Variants in ADGRB3 observed in about 807,000 individuals in gnomAD.
The protein encoded by ADGRB3 is adhesion G protein-coupled receptor B3.
In ADGRB3, 37 loss-of-function variants were observed where a neutral mutation model predicts 193.4. The observed-to-expected ratio is 0.19, with a 90% CI of 0.15 to 0.25. The LOEUF (loss-of-function observed/expected upper bound fraction) is 0.25, where lower values mean the gene tolerates loss of function less well. Ranked by LOEUF, ADGRB3 falls within the 10% of genes least tolerant of loss-of-function variation. The probability of loss-of-function intolerance (pLI) is 1.00; values close to 1 mark genes in which losing one functional copy is unlikely to be tolerated. For synonymous variants in ADGRB3, 690 were observed against 644.2 expected, an observed-to-expected ratio of 1.07 and a Z score of -1.08; for missense variants, 1,637 against 1,852.9, an observed-to-expected ratio of 0.88 and a Z score of 2.14.
chr6:69,007,691 TCTCACACACACACA>T (rs1290480462), intron 11 of ADGRB3, among the ~76,000 whole-genome samples: 1 of 73,332 alleles, frequency 1.4e-5, no homozygotes, highest in African/African-American at 7.4e-5. Flanking sequence ...TCTCTCTCTC[TCTCACACACACACA>T]CACACACACA....
At chr6:69,380,189 CT>C (rs1485662747) in intron 30 of ADGRB3, among the ~76,000 whole-genome samples, 1 of 151,910 alleles carries the variant, frequency 6.6e-6, no homozygotes, top group African/African-American at 2.4e-5. Flanking sequence ...CTTAAAAATG[CT>C]TTATCTGGTG....
chr6:68,943,793 C>G (rs771554593), intron 5 of ADGRB3, 37 bp from the exon 6 acceptor site: 38 of 1,524,450 alleles, frequency 2.5e-5, no homozygotes, highest in Non-Finnish European at 3.4e-5. Context: ...TTTTACTGCT[C>G]TGCTTTTGTT....
chr6:68,749,148 T>G (rs765182680), intron 3 of ADGRB3, among the ~76,000 whole-genome samples: 1 of 152,210 alleles, frequency 6.6e-6, no homozygotes, highest in African/African-American at 2.4e-5. Context: ...GTCTCTGACA[T>G]GGCCTGGAGA....
chr6:68,647,449 A>C (rs997283581), intron 3 of ADGRB3, among the ~76,000 whole-genome samples: 1 of 152,176 alleles, frequency 6.6e-6, no homozygotes, highest in African/African-American at 2.4e-5. Flanking sequence ...TTTGGCTATA[A>C]ACCATAGAGA....
intron 8 of ADGRB3, among the ~76,000 whole-genome samples, chr6:68,964,809 G>A (rs1025497126): frequency 1.3e-5 from 2 of 152,146 alleles, no homozygotes; most frequent in African/African-American, 4.8e-5. Flanking sequence ...TATACCATTT[G>A]CTAATAAATT....
intron 13 of ADGRB3, among the ~76,000 whole-genome samples, chr6:69,043,321 A>AAAGAAAGGAAGGAAGGAAGG (rs1554252099): frequency 1.9e-5 from 1 of 51,928 alleles, no homozygotes; most frequent in Non-Finnish European, 4.9e-5. Context: ...AGAAAGAAAG[A>AAAGAAAGGAAGGAAGGAAGG]AAGAAAGAAA....
chr6:69,120,400 G>A (rs562742404), intron 17 of ADGRB3, among the ~76,000 whole-genome samples: 2 of 152,220 alleles, frequency 1.3e-5, no homozygotes, highest in South Asian at 2.1e-4. Context: ...ACACACTCAA[G>A]TTTGAGAAAC....
chr6:69,160,993 T>G (rs575526696), intron 17 of ADGRB3, among the ~76,000 whole-genome samples: 93 of 152,164 alleles, frequency 6.1e-4, no homozygotes, highest in African/African-American at 2.2e-3. Context: ...AAATCTTAAT[T>G]TTACCAGTTA....
chr6:69,000,101 A>G (rs989593545), intron 11 of ADGRB3, among the ~76,000 whole-genome samples: 3 of 152,214 alleles, frequency 2.0e-5, no homozygotes, highest in African/African-American at 7.2e-5. Flanking sequence ...AATCAGACAT[A>G]TTTAAAATCA....
intron 3 of ADGRB3, among the ~76,000 whole-genome samples, chr6:68,875,152 CCTTCCTTCCTT>C (rs1562066653): frequency 2.1e-3 from 62 of 29,782 alleles, no homozygotes; most frequent in African/African-American, 8.1e-3. Context: ...ATTTCTTTCT[CCTTCCTTCCTT>C]CCTTCCTTCC....
At chr6:69,101,433 C>CGTGTGTGTGTGTGTGTGTGTGTGTGT (rs59471051) in intron 17 of ADGRB3, among the ~76,000 whole-genome samples, 6 of 145,286 alleles carry the variant, frequency 4.1e-5, no homozygotes, top group African/African-American at 1.5e-4. Context: ...CAGTAAGTAT[C>CGTGTGTGTGTGTGTGTGTGTGTGTGT]GTGTGTGTGT....
intron 17 of ADGRB3, among the ~76,000 whole-genome samples, chr6:69,117,206 A>C (rs1773559066): frequency 6.6e-6 from 1 of 152,210 alleles, no homozygotes; most frequent in Non-Finnish European, 1.5e-5. Flanking sequence ...ATAGTTACAA[A>C]AATGCTTTCT....
intron 3 of ADGRB3, among the ~76,000 whole-genome samples, chr6:68,641,563 C>A (rs1444173492): frequency 1.3e-5 from 2 of 152,130 alleles, no homozygotes; most frequent in Non-Finnish European, 2.9e-5. Context: ...CATAGGGGAA[C>A]AACATATGCT....
rs566119240 is a variant in ADGRB3, at chr6:68,693,332, A to G, written c.757+53900A>G. Among the ~76,000 whole-genome samples the G allele has an allele frequency of 2.4e-4, 37 of 152,074 alleles. 1 individual carries two copies. In the South Asian group the frequency reaches 5.6e-3, roughly 23 times the overall value. ...TACAGCACAGGGGTTGTAAAGAGAA[A>G]TGAAAATGGTAGCTACTAGTGTACA... is the stretch of plus-strand genomic sequence containing the variant. On this transcript the variant is annotated intron_variant, in intron 3 of 31. Transcript: ENST00000370598.
At chr6:68,778,179 C>T (rs977995674) in intron 3 of ADGRB3, among the ~76,000 whole-genome samples, 1 of 152,050 alleles carries the variant, frequency 6.6e-6, no homozygotes, top group Non-Finnish European at 1.5e-5. Context: ...AGACTACAGG[C>T]ATGAGCAATG....
chr6:68,733,792 TAAAG>T (rs913769002), intron 3 of ADGRB3, among the ~76,000 whole-genome samples: 5 of 151,872 alleles, frequency 3.3e-5, no homozygotes, highest in Admixed American at 1.3e-4. Context: ...TACAATAACT[TAAAG>T]AACGTAAGAA....
chr6:69,052,106 C>T (rs1025238343), intron 15 of ADGRB3, among the ~76,000 whole-genome samples: 4 of 152,002 alleles, frequency 2.6e-5, no homozygotes, highest in Admixed American at 1.3e-4. Flanking sequence ...GCCAGGATGG[C>T]CTTGATTTTC....
chr6:68,938,616 A>G (rs1462088064), intron 5 of ADGRB3, among the ~76,000 whole-genome samples: 2 of 152,144 alleles, frequency 1.3e-5, no homozygotes, highest in Admixed American at 6.6e-5. Flanking sequence ...ACCATGCGGT[A>G]TAATAGATCT....
intron 17 of ADGRB3, among the ~76,000 whole-genome samples, chr6:69,214,425 C>T (rs147197334): frequency 6.6e-6 from 1 of 152,126 alleles, no homozygotes; most frequent in African/African-American, 2.4e-5. Flanking sequence ...ATTTTATTTT[C>T]CTAGCAGGCA....
Sources: allele counts gnomAD v4.1 joint callset (sites outside exome capture counted in the v4.1 genomes callset), GRCh38; gene constraint gnomAD v4.1.1; transcripts MANE v1.5; gene names NCBI Gene and HGNC (gene_info 2026-07-23, HGNC 2026-07-21).